CPA6: variants seen among roughly 807,000 people sequenced by gnomAD.
CPA6 encodes the protein carboxypeptidase B.
In CPA6, 58 loss-of-function variants were observed where a neutral mutation model predicts 63.3. That is an observed-to-expected ratio of 0.92 (90% CI 0.74 to 1.14). CPA6 has a LOEUF of 1.14. Among genes scored for constraint, CPA6 ranks in the 50% most tolerant of loss-of-function variants. The pLI, the probability that CPA6 is intolerant of heterozygous loss-of-function variation, is 0.00. For synonymous variants in CPA6, 185 were observed against 179.0 expected (o/e 1.03, Z -0.27); for missense variants, 565 against 526.6 (o/e 1.07, Z -0.71).
chr8:67,666,980 C>G lies in CPA6; in HGVS notation c.117-42729G>C, dbSNP rs16933505. On this transcript the variant is annotated intron_variant, in intron 1 of 10. Transcript: ENST00000297770. ...GGTTTACATATCTGCATTCCTTTTC[C>G]TTTAGGACTCCTTAAATCATATAGG... is the stretch of plus-strand genomic sequence containing the variant. Among the ~76,000 whole-genome samples, 1,035 of 152,178 alleles carry G rather than the reference C, an allele frequency of 6.8e-3. 7 individuals are homozygous for G. The highest frequency in any genetic ancestry group is 0.024 in the African/African-American group (976 of 41,496).
rs189569201 is a variant in CPA6 at position 67,589,270 on chromosome 8, C to G, written c.192+34906G>C. Among the ~76,000 whole-genome samples the G allele has an allele frequency of 1.2e-4, 19 of 152,300 alleles. No individual in the cohort carries two copies. The East Asian group carries it at 3.7e-3, about 29-fold the overall frequency. ...TTTCTTAAAAAGGATTTGACCAAAA[C>G]TACCTTGATAGTTTTAGGCAGCATA... On this transcript the variant is annotated intron_variant, in intron 2 of 10. Transcript: ENST00000297770.
chr8:67,533,197 A>G (rs1290085375), intron 2 of CPA6, among the ~76,000 whole-genome samples: 1 of 152,204 alleles, frequency 6.6e-6, no homozygotes, highest in African/African-American at 2.4e-5. Context: ...TCTCACCTCC[A>G]TATCTATATC....
chr8:67,615,289 C>T (rs1814916106), intron 2 of CPA6, among the ~76,000 whole-genome samples: 1 of 152,136 alleles, frequency 6.6e-6, no homozygotes, highest in Admixed American at 6.5e-5. Context: ...AGAAATGGCA[C>T]CAAAGTATGG....
chr8:67,485,189 A>G (rs1187123507), intron 6 of CPA6, among the ~76,000 whole-genome samples: 1 of 152,236 alleles, frequency 6.6e-6, no homozygotes, highest in African/African-American at 2.4e-5. Flanking sequence ...AGCACAGACC[A>G]GCTGCATGTC....
At chr8:67,586,566 G>A (rs534159191) in intron 2 of CPA6, among the ~76,000 whole-genome samples, 11 of 152,118 alleles carry the variant, frequency 7.2e-5, no homozygotes, top group South Asian at 2.1e-4. Flanking sequence ...TTACCTCAGC[G>A]GGTAATGATA....
In CPA6 at chr8:67,451,870, T is replaced by C. The variant is rs189770512; in HGVS notation, c.839-17630A>G. 1.2e-4 allele frequency among the ~76,000 whole-genome samples: 19 copies of C among 152,360 alleles called. No individual in the cohort carries two copies. The East Asian group carries it at 3.5e-3, about 28-fold the overall frequency. On this transcript the variant is annotated intron_variant, in intron 8 of 10. Coordinates refer to ENST00000297770, the MANE Select transcript of CPA6 (RefSeq NM_020361.5). ...CTTAAAATCTGAAACGCTGAGTTTT[T>C]CCTAAGTTGTAGGTACTTTAAAAAA...
chr8:67,453,577 T>A (rs1810603957), intron 8 of CPA6, among the ~76,000 whole-genome samples: 1 of 152,034 alleles, frequency 6.6e-6, no homozygotes, highest in African/African-American at 2.4e-5. Flanking sequence ...AATGATGACA[T>A]GTCTAAGGGA....
chr8:67,485,370 CCCTAT>C (rs1811455757), intron 6 of CPA6, among the ~76,000 whole-genome samples: 1 of 152,124 alleles, frequency 6.6e-6, no homozygotes, highest in Non-Finnish European at 1.5e-5. Flanking sequence ...CCAAGGTAAT[CCCTAT>C]CCTAAGTTTG....
chr8:67,653,464 TG>T (rs1815898699), intron 1 of CPA6, among the ~76,000 whole-genome samples: 1 of 148,842 alleles, frequency 6.7e-6, no homozygotes, highest in Non-Finnish European at 1.5e-5. Context: ...TCACATCCCT[TG>T]TAAGTTGGAT....
intron 1 of CPA6, among the ~76,000 whole-genome samples, chr8:67,718,469 T>G (rs1030710027): frequency 2.0e-5 from 3 of 152,172 alleles, no homozygotes; most frequent in African/African-American, 7.2e-5. Context: ...ATGGCTGTGA[T>G]GAAAGGTACA....
intron 2 of CPA6, among the ~76,000 whole-genome samples, chr8:67,541,752 G>A (rs1265751080): frequency 6.6e-6 from 1 of 152,150 alleles, no homozygotes; most frequent in Non-Finnish European, 1.5e-5. Flanking sequence ...CTAGGGGAGG[G>A]AGTTCCTGAA....
intron 2 of CPA6, among the ~76,000 whole-genome samples, chr8:67,614,660 G>A (rs1262691345): frequency 6.6e-6 from 1 of 152,142 alleles, no homozygotes; most frequent in Non-Finnish European, 1.5e-5. Context: ...TCTACATGCA[G>A]TGTGTGTAGA....
At chr8:67,505,417 A>T (rs1284080325) in intron 6 of CPA6, among the ~76,000 whole-genome samples, 1 of 152,180 alleles carries the variant, frequency 6.6e-6, no homozygotes, top group Non-Finnish European at 1.5e-5. Flanking sequence ...GGTGAGGGAA[A>T]ACTTTAGCTG....
At chr8:67,640,713 C>A (rs1032650035) in intron 1 of CPA6, among the ~76,000 whole-genome samples, 1 of 151,424 alleles carries the variant, frequency 6.6e-6, no homozygotes, top group African/African-American at 2.5e-5. Flanking sequence ...TTGAAAGAGG[C>A]GGCCCTTCAG....
At chr8:67,667,930 A>G (rs990777146) in intron 1 of CPA6, among the ~76,000 whole-genome samples, 3 of 152,236 alleles carry the variant, frequency 2.0e-5, no homozygotes, top group African/African-American at 7.2e-5. Context: ...CGAGCTTCTC[A>G]AATGCCAACA....
intron 2 of CPA6, among the ~76,000 whole-genome samples, chr8:67,539,049 G>A (rs964283796): frequency 6.6e-6 from 1 of 152,190 alleles, no homozygotes; most frequent in Non-Finnish European, 1.5e-5. Flanking sequence ...TATGATGCTA[G>A]CTGGTTATTT....
intron 1 of CPA6, among the ~76,000 whole-genome samples, chr8:67,663,564 T>C (rs1816164551): frequency 6.6e-6 from 1 of 152,074 alleles, no homozygotes; most frequent in South Asian, 2.1e-4. Flanking sequence ...GTTGTTCCCT[T>C]CCCTGTGTCC....
chr8:67,737,981 C>T (rs1817845934), intron 1 of CPA6, among the ~76,000 whole-genome samples: 1 of 152,090 alleles, frequency 6.6e-6, no homozygotes, highest in Non-Finnish European at 1.5e-5. Context: ...TTTGTCCCTT[C>T]CGGTCCCGAC....
chr8:67,745,945 C>T (rs770301336), intron 1 of CPA6, 69 bp downstream of exon 1: 2 of 1,115,758 alleles, frequency 1.8e-6, no homozygotes, highest in South Asian at 1.6e-5. Flanking sequence ...AAGTGAGGCA[C>T]ACTCTGGAGC....
Sources: allele counts gnomAD v4.1 joint callset (sites outside exome capture counted in the v4.1 genomes callset), GRCh38; gene constraint gnomAD v4.1.1; transcripts MANE v1.5; gene names NCBI Gene and HGNC (gene_info 2026-07-23, HGNC 2026-07-21).